The following DNAJA3 variants were observed in gnomAD, a reference collection of about 807,000 sequenced individuals.
DNAJA3 encodes DnaJ heat shock protein family (Hsp40) member A3.
A neutral mutation model predicts 54.9 loss-of-function variants in DNAJA3; 29 were observed. The observed-to-expected ratio is 0.53, with a 90% CI of 0.39 to 0.72. DNAJA3 has a LOEUF of 0.72. Among genes scored for constraint, DNAJA3 ranks in the 30% least tolerant of loss-of-function variants. The pLI is 0.00. For synonymous variants in DNAJA3, 302 were observed against 251.4 expected, an observed-to-expected ratio of 1.20 and a Z score of -1.90; for missense variants, 708 against 639.4, an observed-to-expected ratio of 1.11 and a Z score of -1.16.
chr16:4,426,427 G>C (rs2056624083), intron 1 of DNAJA3, among the ~76,000 whole-genome samples: 1 of 152,210 alleles, frequency 6.6e-6, no homozygotes, highest in South Asian at 2.1e-4. Flanking sequence ...CGGAAGGGAA[G>C]AGCTAACTGC....
intron 1 of DNAJA3, among the ~76,000 whole-genome samples, chr16:4,432,708 C>T (rs746639038): frequency 1.8e-4 from 27 of 152,210 alleles, no homozygotes; most frequent in African/African-American, 5.8e-4. Flanking sequence ...TGGTGGCACA[C>T]GCCTGTAGTC....
intron 3 of DNAJA3, among the ~76,000 whole-genome samples, chr16:4,439,523 G>A (rs998042693): frequency 6.6e-5 from 10 of 152,236 alleles, no homozygotes; most frequent in African/African-American, 2.4e-4. Flanking sequence ...GCACCCAGAA[G>A]ATTCAATTTT....
chr16:4,426,579 C>G (rs1353624660), intron 1 of DNAJA3, among the ~76,000 whole-genome samples: 4 of 152,260 alleles, frequency 2.6e-5, no homozygotes, highest in Non-Finnish European at 5.9e-5. Flanking sequence ...AGAGTTGTCT[C>G]AAACCCAAAG....
Position 4,426,019 on chromosome 16 carries a change from C to G in DNAJA3, c.138C>G (p.Pro46=), listed in dbSNP as rs777998359. 6.2e-7 allele frequency: 1 copy of G among 1,608,168 alleles called. No individual in the cohort carries two copies. Among genetic ancestry groups the G allele is most frequent in the East Asian group, 2.3e-5 (1 of 44,232 alleles). ...GGCTGAGCCGCAAGCTGAGCGTCCC[C>G]GCCTTTGCGTCTTCCCTGACCTCTT... ...GAWLSRKLSV[P]AFASSLTSCG... is the part of the protein sequence containing the mutation. Residue 46 remains proline (P), a synonymous_variant, in exon 1 of 12, where the codon CCC becomes CCG. Coordinates refer to ENST00000262375, the MANE Select transcript of DNAJA3 (RefSeq NM_005147.6).
intron 1 of DNAJA3, among the ~76,000 whole-genome samples, chr16:4,428,175 T>C (rs2056648482): frequency 6.6e-6 from 1 of 151,942 alleles, no homozygotes; most frequent in Non-Finnish European, 1.5e-5. Context: ...ATGGTCTCGA[T>C]CTCCTGAACT....
At chr16:4,448,654 A>G in intron 8 of DNAJA3, 79 bp from the exon 9 acceptor site, 1 of 967,382 alleles carries the variant, frequency 1.0e-6, no homozygotes, top group South Asian at 1.4e-5. Flanking sequence ...ATTCCTATCA[A>G]GATTGTCTTC....
At chr16:4,433,467 C>T (rs1267001607) in intron 1 of DNAJA3, 3 of 152,196 alleles carry the variant, frequency 2.0e-5, no homozygotes, top group Non-Finnish European at 4.4e-5. Context: ...GGGGAGTTCT[C>T]TACTGGCATC....
chr16:4,437,981 C>A (rs979706901), intron 3 of DNAJA3, among the ~76,000 whole-genome samples: 100 of 151,012 alleles, frequency 6.6e-4, no homozygotes, highest in African/African-American at 2.4e-3. Flanking sequence ...AAAAAAAAAA[C>A]AAAACAACAA....
Position 4,442,584 on chromosome 16 carries a change from C to G in DNAJA3, c.783+164C>G. 4 of 813,872 alleles carry G rather than the reference C, an allele frequency of 4.9e-6. 1 individual carries two copies. In the South Asian group the frequency reaches 1.0e-4, roughly 21 times the overall value. 50.4% of individuals were successfully genotyped at this position (813,872 alleles called of 1,614,324 possible). On this transcript the variant is annotated intron_variant, in intron 5 of 11. Coordinates refer to ENST00000262375, the MANE Select transcript of DNAJA3 (RefSeq NM_005147.6). ...ACCCTGAGGAGACGAGCCTGTGCTC[C>G]TCTTTCCCTGATACCACAGGCTCAG...
At chr16:4,435,580 A>G (rs2056763962) in intron 2 of DNAJA3, among the ~76,000 whole-genome samples, 1 of 152,182 alleles carries the variant, frequency 6.6e-6, no homozygotes, top group Non-Finnish European at 1.5e-5. Context: ...GGAATCATAC[A>G]ATATGTATCC....
rs2056851261 is a variant in DNAJA3, at chr16:4,442,702, C to G, written c.783+282C>G. 7.5e-5 allele frequency: 39 copies of G among 517,424 alleles called. No individual in the cohort carries two copies. In the South Asian group the frequency reaches 1.2e-3, roughly 16 times the overall value. The allele number at this position is 517,424 out of a possible 1,614,324, so 32.1% of individuals were successfully genotyped here. On this transcript the variant is annotated intron_variant, in intron 5 of 11. Transcript: ENST00000262375. ...TTTTCTAACAATTGCTTTGGTAATT[C>G]AAGGGGAAATAATCTTTTTTAAATG...
chr16:4,450,740 C>T (rs997110140), intron 10 of DNAJA3, among the ~76,000 whole-genome samples: 1 of 152,234 alleles, frequency 6.6e-6, no homozygotes, highest in African/African-American at 2.4e-5. Flanking sequence ...CAGGGCACTT[C>T]CTGCAGGCAG....
chr16:4,438,571 A>G (rs1468132300), intron 3 of DNAJA3, among the ~76,000 whole-genome samples: 2 of 149,864 alleles, frequency 1.3e-5, no homozygotes, highest in African/African-American at 4.9e-5. Context: ...GAAAACAGCT[A>G]TTGACCCCAC....
intron 1 of DNAJA3, among the ~76,000 whole-genome samples, chr16:4,429,070 A>G (rs932298353): frequency 6.6e-6 from 1 of 150,852 alleles, no homozygotes; most frequent in Non-Finnish European, 1.5e-5. Flanking sequence ...TTGTATTTTT[A>G]GTAGAGATGG....
At chr16:4,447,145 A>C in intron 8 of DNAJA3, 131 bp downstream of exon 8, 1 of 1,131,790 alleles carries the variant, frequency 8.8e-7, no homozygotes, top group Non-Finnish European at 1.2e-6. Flanking sequence ...AGGGGAGGAC[A>C]TGAGGAATTT....
At position 4,455,597 on chromosome 16, in the gene DNAJA3, C is replaced by T; in HGVS notation, c.*65C>T. 1 of 1,551,686 alleles carries T rather than the reference C, an allele frequency of 6.4e-7. No individual in the cohort carries two copies. The highest frequency in any genetic ancestry group is 8.7e-7 in the Non-Finnish European group (1 of 1,146,912). On this transcript the variant is annotated 3_prime_UTR_variant, in exon 12 of 12. Transcript: ENST00000262375. ...GGGAAGCAGCAGCCCCTCCAAGGGC[C>T]AGGGCACCTGGGAGACGGGAGGATT...
intron 1 of DNAJA3, among the ~76,000 whole-genome samples, chr16:4,432,135 T>G (rs1195356661): frequency 6.7e-6 from 1 of 150,358 alleles, no homozygotes; most frequent in African/African-American, 2.5e-5. Flanking sequence ...TTCCATGTCA[T>G]AAGTTTATTT....
At chr16:4,433,837 CTCTG>C (rs2056737656) in intron 1 of DNAJA3, 1 of 154,578 alleles carries the variant, frequency 6.5e-6, no homozygotes, top group Non-Finnish European at 1.4e-5. Flanking sequence ...TCATCCAATA[CTCTG>C]ACATAGTTTA....
At chr16:4,435,328 C>T (rs187534487) in intron 2 of DNAJA3, among the ~76,000 whole-genome samples, 24 of 152,112 alleles carry the variant, frequency 1.6e-4, no homozygotes, top group African/African-American at 5.3e-4. Flanking sequence ...TTTGCTCTGA[C>T]CAACAAAATA....
Sources: allele counts gnomAD v4.1 joint callset (sites outside exome capture counted in the v4.1 genomes callset), GRCh38; gene constraint gnomAD v4.1.1; transcripts MANE v1.5; gene names NCBI Gene and HGNC (gene_info 2026-07-23, HGNC 2026-07-21).